The following RPP30 variants were observed in gnomAD, a reference collection of about 807,000 sequenced individuals.
The protein encoded by RPP30 is ribonuclease P/MRP subunit p30.
Under a neutral mutation model 38.6 loss-of-function variants are expected in RPP30, and 36 were observed. The ratio of observed to expected loss-of-function variants is 0.93; its 90% CI spans 0.71 to 1.23. RPP30 has a LOEUF of 1.23. RPP30 is among the 50% of genes most tolerant of loss of function. The pLI is 0.00. For synonymous variants in RPP30, 126 were observed against 112.7 expected, an observed-to-expected ratio of 1.12 and a Z score of -0.75; for missense variants, 321 against 321.7, an observed-to-expected ratio of 1.00 and a Z score of 0.02.
chr10:90,894,391 T>C (rs140444603), intron 6 of RPP30, among the ~76,000 whole-genome samples: 1 of 152,230 alleles, frequency 6.6e-6, no homozygotes, highest in Non-Finnish European at 1.5e-5. Context: ...TAGGTCAGAT[T>C]ACTTGGTTTA....
chr10:90,891,384 G>A (rs138152457), intron 6 of RPP30, among the ~76,000 whole-genome samples: 30 of 152,272 alleles, frequency 2.0e-4, no homozygotes, highest in African/African-American at 6.0e-4. Context: ...TGGATTAGGG[G>A]CCTACCCTAT....
intron 5 of RPP30, among the ~76,000 whole-genome samples, chr10:90,879,666 C>T (rs1846898060): frequency 6.6e-6 from 1 of 152,182 alleles, no homozygotes; most frequent in Admixed American, 6.5e-5. Context: ...CTCTTCTTAT[C>T]TTGAGAGCCT....
chr10:90,880,142 A>G (rs539434027), intron 5 of RPP30: 29 of 152,144 alleles, frequency 1.9e-4, no homozygotes, highest in African/African-American at 6.7e-4. Context: ...CTGACTGTGA[A>G]CAGTCAATTA....
At chr10:90,895,813 T>TCA in intron 8 of RPP30, 67 bp from the exon 9 acceptor site, 1 of 1,070,314 alleles carries the variant, frequency 9.3e-7, no homozygotes, top group African/African-American at 1.8e-5. Flanking sequence ...TTCTATTAAT[T>TCA]TGCTATAAGT....
At chr10:90,900,513 C>T (rs1847187475) in intron 10 of RPP30, 57 bp from the exon 11 acceptor site, 5 of 1,539,598 alleles carry the variant, frequency 3.2e-6, no homozygotes, top group East Asian at 2.3e-5. Context: ...GTTAAACCAC[C>T]TCATTTTAAA....
At chr10:90,873,227 T>G (rs1429069423) in intron 1 of RPP30, among the ~76,000 whole-genome samples, 1 of 152,184 alleles carries the variant, frequency 6.6e-6, no homozygotes, top group African/African-American at 2.4e-5. Flanking sequence ...ATTAAAAAAA[T>G]TAATACAAAA....
chr10:90,882,647 A>G (rs1474456307), intron 5 of RPP30, among the ~76,000 whole-genome samples: 1 of 152,032 alleles, frequency 6.6e-6, no homozygotes, highest in Non-Finnish European at 1.5e-5. Flanking sequence ...TGGATGACAG[A>G]GCAAGACTCC....
downstream of RPP30, among the ~76,000 whole-genome samples, chr10:90,902,831 G>T (rs893917407): frequency 1.3e-5 from 2 of 152,266 alleles, no homozygotes; most frequent in African/African-American, 4.8e-5. Flanking sequence ...ACTGAGGCTG[G>T]TGCTGCTGAG....
chr10:90,891,842 G>A (rs1354019309), intron 6 of RPP30, among the ~76,000 whole-genome samples: 1 of 152,204 alleles, frequency 6.6e-6, no homozygotes, highest in Non-Finnish European at 1.5e-5. Flanking sequence ...TAGGATTGGA[G>A]ATGCAAGTAG....
intron 4 of RPP30, among the ~76,000 whole-genome samples, chr10:90,876,648 G>A (rs74630358): frequency 0.011 from 1,732 of 152,218 alleles, 33 homozygotes; most frequent in African/African-American, 0.039. Flanking sequence ...TAAGGAAAAC[G>A]TGGTATTTTC....
chr10:90,902,454 A>C, downstream of RPP30: 1 of 205,418 alleles, frequency 4.9e-6, no homozygotes, highest in Non-Finnish European at 1.0e-5. Flanking sequence ...TGGCAGATTC[A>C]AGCAGTCTGT....
At chr10:90,904,293 A>G (rs767729760), downstream of RPP30, among the ~76,000 whole-genome samples, 2 of 152,210 alleles carry the variant, frequency 1.3e-5, no homozygotes, top group African/African-American at 2.4e-5. Context: ...TTGGTTATCT[A>G]TTTGGGAGAG....
intron 6 of RPP30, among the ~76,000 whole-genome samples, chr10:90,893,647 A>G (rs543735782): frequency 2.3e-4 from 35 of 152,234 alleles, no homozygotes; most frequent in African/African-American, 8.2e-4. Context: ...ACGTGCTGCC[A>G]TGCTGCAACC....
chr10:90,892,188 G>T (rs951459327), intron 6 of RPP30, among the ~76,000 whole-genome samples: 3 of 152,108 alleles, frequency 2.0e-5, no homozygotes, highest in Non-Finnish European at 1.5e-5. Flanking sequence ...GAGAACAAAA[G>T]CTAATCAGGC....
At chr10:90,908,112 C>G (rs1342265652), downstream of RPP30, among the ~76,000 whole-genome samples, 2 of 152,160 alleles carry the variant, frequency 1.3e-5, no homozygotes, top group Non-Finnish European at 2.9e-5. Flanking sequence ...ATGCACTGTA[C>G]TATGATGTTA....
chr10:90,877,968 G>A (rs1293615225), intron 4 of RPP30, among the ~76,000 whole-genome samples: 5 of 152,194 alleles, frequency 3.3e-5, no homozygotes, highest in African/African-American at 9.7e-5. Flanking sequence ...CTTTATAACA[G>A]TTACTATTGC....
intron 5 of RPP30, among the ~76,000 whole-genome samples, chr10:90,884,368 C>T (rs1434230991): frequency 1.3e-5 from 2 of 152,116 alleles, no homozygotes; most frequent in African/African-American, 4.8e-5. Context: ...ATTTAAAGAC[C>T]TTTTGAGTGC....
Position 90,901,777 on chromosome 10 carries a change from T to G in RPP30, c.*1098T>G, listed in dbSNP as rs2120241144. ...GGTATAACTGAATAAGAAATTTTTT[T>G]AAGCAAGAGAAAGACAACTGTTCTG... is the stretch of plus-strand genomic sequence containing the variant. On this transcript the variant is annotated 3_prime_UTR_variant, in exon 11 of 11. Coordinates refer to ENST00000371703, the MANE Select transcript of RPP30 (RefSeq NM_006413.5). 1 of 984,824 alleles carries G rather than the reference T, an allele frequency of 1.0e-6. No individual in the cohort carries two copies. The highest frequency in any genetic ancestry group is 4.7e-5 in the South Asian group (1 of 21,272). The allele number at this position is 984,824 out of a possible 1,614,324, so 61.0% of individuals were successfully genotyped here.
At chr10:90,894,681 T>C in intron 6 of RPP30, 94 bp from the exon 7 acceptor site, 2 of 863,856 alleles carry the variant, frequency 2.3e-6, no homozygotes, top group Non-Finnish European at 2.0e-6. Context: ...GGGTCAGTAG[T>C]AGGGAGTGAG....
Sources: allele counts gnomAD v4.1 joint callset (sites outside exome capture counted in the v4.1 genomes callset), GRCh38; gene constraint gnomAD v4.1.1; transcripts MANE v1.5; gene names NCBI Gene and HGNC (gene_info 2026-07-23, HGNC 2026-07-21).